BEND2: variants seen among roughly 807,000 people sequenced by gnomAD.
BEND2 encodes BEN domain containing 2.
Under a neutral mutation model 43.8 loss-of-function variants are expected in BEND2, and 19 were observed. That is an observed-to-expected ratio of 0.43 (90% CI 0.30 to 0.64). BEND2 has a LOEUF of 0.64. BEND2 is among the 30% of genes least tolerant of loss of function. The pLI, the probability that BEND2 is intolerant of heterozygous loss-of-function variation, is 0.11. For synonymous variants in BEND2, 226 were observed against 210.1 expected, an observed-to-expected ratio of 1.08 and a Z score of -0.66; for missense variants, 544 against 574.0, an observed-to-expected ratio of 0.95 and a Z score of 0.53.
chrX:18,200,915 G>T (rs1044163021), intron 6 of BEND2, among the ~76,000 whole-genome samples: 5 of 112,329 alleles, frequency 4.5e-5, no homozygotes, highest in African/African-American at 1.6e-4. Flanking sequence ...GATCTGTGGA[G>T]TGTATCAATG....
At chrX:18,191,891 T>C (rs1231221801) in intron 7 of BEND2, among the ~76,000 whole-genome samples, 2 of 112,331 alleles carry the variant, frequency 1.8e-5, no homozygotes, top group African/African-American at 3.2e-5. Context: ...TTTTGCAAGA[T>C]GTTACTGTTG....
intron 4 of BEND2, among the ~76,000 whole-genome samples, chrX:18,206,614 C>A (rs1300831129): frequency 9.1e-6 from 1 of 110,464 alleles, no homozygotes; most frequent in East Asian, 2.9e-4. Flanking sequence ...GGGGAGGGGA[C>A]TAGATGCAGA....
intron 9 of BEND2, among the ~76,000 whole-genome samples, chrX:18,179,676 G>A (rs1279139427): frequency 8.9e-6 from 1 of 112,188 alleles, no homozygotes; most frequent in Non-Finnish European, 1.9e-5. Context: ...GGGTATTTGT[G>A]ACAGACAATA....
intron 6 of BEND2, among the ~76,000 whole-genome samples, chrX:18,199,229 C>G (rs918208715): frequency 1.8e-5 from 2 of 111,167 alleles, no homozygotes; most frequent in African/African-American, 3.3e-5. Context: ...AAAGGTTACA[C>G]AGCATTTAGT....
At chrX:18,200,400 G>A (rs1171572675) in intron 6 of BEND2, among the ~76,000 whole-genome samples, 1 of 108,519 alleles carries the variant, frequency 9.2e-6, no homozygotes, top group African/African-American at 3.4e-5. Flanking sequence ...CTATTCAGGA[G>A]GCTGAGGCAT....
Position 18,184,616 on chromosome X carries a change from C to T in BEND2, c.1289-3966G>A, listed in dbSNP as rs746496256. The stretch of plus-strand genomic sequence containing the variant: ...GACTTGGGGTGTCCCCTGATGCAGA[C>T]ATGGCTTCAGTGACCAGAAACTTAG... On this transcript the variant is annotated intron_variant, in intron 8 of 13. Transcript: ENST00000380033. Among the ~76,000 whole-genome samples, 22 of 112,451 alleles carry T rather than the reference C, an allele frequency of 2.0e-4. No homozygotes were observed. The South Asian group carries it at 8.2e-3, about 42-fold the overall frequency.
At chrX:18,189,364 G>T (rs1290612542) in intron 8 of BEND2, among the ~76,000 whole-genome samples, 1 of 110,768 alleles carries the variant, frequency 9.0e-6, no homozygotes, top group Non-Finnish European at 1.9e-5. Context: ...TTAAAAATTA[G>T]CCAGGCATGG....
At chrX:18,186,265 C>T (rs1924564155) in intron 8 of BEND2, among the ~76,000 whole-genome samples, 1 of 110,196 alleles carries the variant, frequency 9.1e-6, no homozygotes, top group Admixed American at 9.7e-5. Context: ...TGACACCAGC[C>T]TGGCCAACAT....
At chrX:18,182,831 C>G in intron 8 of BEND2, among the ~76,000 whole-genome samples, 1 of 110,510 alleles carries the variant, frequency 9.0e-6, no homozygotes, top group Non-Finnish European at 1.9e-5. Context: ...ATCTGGAGAT[C>G]AGGAGTTAGA....
chrX:18,168,284 G>A (rs1923875719), intron 13 of BEND2, among the ~76,000 whole-genome samples: 1 of 112,394 alleles, frequency 8.9e-6, no homozygotes, highest in Non-Finnish European at 1.9e-5. Context: ...GGAAGTGACA[G>A]CTGTCATTAA....
At chrX:18,174,950 C>G (rs112812878) in intron 11 of BEND2, among the ~76,000 whole-genome samples, 227 of 111,263 alleles carry the variant, frequency 2.0e-3, no homozygotes, top group African/African-American at 7.1e-3. Context: ...TGCCAGTGGT[C>G]TGCTGCTGCT....
intron 2 of BEND2, among the ~76,000 whole-genome samples, chrX:18,214,736 G>A (rs1925618642): frequency 1.0e-5 from 1 of 98,140 alleles, no homozygotes; most frequent in African/African-American, 3.8e-5. Flanking sequence ...ACTTGAGCCC[G>A]GGAGGCAGAG....
chrX:18,182,773 G>A (rs969985798), intron 8 of BEND2, among the ~76,000 whole-genome samples: 4 of 111,277 alleles, frequency 3.6e-5, no homozygotes, highest in East Asian at 5.7e-4. Flanking sequence ...GGCACGGGGG[G>A]CTTATGCCTG....
intron 7 of BEND2, among the ~76,000 whole-genome samples, chrX:18,194,918 G>C (rs906247878): frequency 6.4e-5 from 7 of 108,968 alleles, no homozygotes; most frequent in African/African-American, 2.4e-4. Flanking sequence ...TCTCTACCTT[G>C]ACTGTGGTGG....
chrX:18,174,533 A>C (rs746477761), intron 11 of BEND2, among the ~76,000 whole-genome samples: 2 of 112,484 alleles, frequency 1.8e-5, no homozygotes, highest in Non-Finnish European at 3.7e-5. Context: ...AATTAGGCAC[A>C]TAATAAACAT....
At chrX:18,202,131 A>G (rs1925186650) in intron 5 of BEND2, among the ~76,000 whole-genome samples, 191 bp from the exon 6 acceptor site, 1 of 112,042 alleles carries the variant, frequency 8.9e-6, no homozygotes, top group South Asian at 3.7e-4. Context: ...AAAAAAGAAG[A>G]TGATGAAAGA....
intron 7 of BEND2, among the ~76,000 whole-genome samples, chrX:18,191,687 A>G (rs1244775811): frequency 2.7e-5 from 3 of 112,017 alleles, no homozygotes; most frequent in Non-Finnish European, 5.6e-5. Context: ...AATAGCACTC[A>G]GCAATAAAAA....
rs192288724 is a variant in BEND2 at position 18,198,780 on chromosome X, T to C, written c.1033+3035A>G. Among the ~76,000 whole-genome samples, 491 of 109,532 alleles carry C rather than the reference T, an allele frequency of 4.5e-3. 6 individuals carry two copies. The highest frequency in any genetic ancestry group is 0.015 in the African/African-American group (452 of 30,096). ...ATGTTTATCGTGGCACTATTCACAA[T>C]AGCAAAGACTTGGAACCAACCCAAA... On this transcript the variant is annotated intron_variant, in intron 6 of 13. Transcript: ENST00000380033.
In BEND2 at chrX:18,172,693, CA is replaced by C. The variant is rs979832555; in HGVS notation, c.1981+1336del. Among the ~76,000 whole-genome samples, 491 of 97,792 alleles carry C rather than the reference CA, an allele frequency of 5.0e-3. 6 individuals carry two copies. The highest frequency in any genetic ancestry group is 0.016 in the African/African-American group (433 of 27,116). The allele number at this position is 97,792 out of a possible 115,157, so 84.9% of individuals were successfully genotyped here. ...TGGGTAACAGAGCGAGACTCCATCT[CA>C]AAAAAAAAAAATCTTCTGAATGAAG... On this transcript the variant is annotated intron_variant, in intron 12 of 13. Transcript: ENST00000380033.
Sources: gnomAD v4.1 joint callset for allele counts (sites outside exome capture counted in the v4.1 genomes callset) on GRCh38, gnomAD v4.1.1 for gene constraint, MANE v1.5 for transcripts, NCBI Gene and HGNC (gene_info 2026-07-23, HGNC 2026-07-21) for gene names.